MTMR3: variants seen among roughly 807,000 people sequenced by gnomAD.
MTMR3 encodes phosphatidylinositol-3,5-bisphosphate 3-phosphatase MTMR3.
Under a neutral mutation model 132.4 loss-of-function variants are expected in MTMR3, and 32 were observed. The ratio of observed to expected loss-of-function variants is 0.24; its 90% confidence interval spans 0.18 to 0.32. The LOEUF is 0.32. MTMR3 is among the 10% of genes least tolerant of loss of function. The pLI is 1.00. For missense variants in MTMR3, 1,216 were observed against 1,489.6 expected (o/e 0.82, Z 3.02); for synonymous variants, 556 against 550.3 (o/e 1.01, Z -0.14).
At chr22:29,892,413 A>G in intron 1 of MTMR3, among the ~76,000 whole-genome samples, 1 of 152,288 alleles carries the variant, frequency 6.6e-6, no homozygotes, top group East Asian at 1.9e-4. Context: ...TTTAAGAGTT[A>G]GGTCCTAGAG....
At chr22:29,897,833 GTTAT>G (rs2064932962) in intron 1 of MTMR3, among the ~76,000 whole-genome samples, 2 of 152,062 alleles carry the variant, frequency 1.3e-5, no homozygotes, top group African/African-American at 4.8e-5. Context: ...GTATGCAGAA[GTTAT>G]TTATCTTTTT....
At chr22:29,934,220 G>A (rs1245505756) in intron 1 of MTMR3, among the ~76,000 whole-genome samples, 1 of 152,116 alleles carries the variant, frequency 6.6e-6, no homozygotes, top group Non-Finnish European at 1.5e-5. Context: ...CGGGCATTGT[G>A]GCGGGCACCT....
At chr22:29,898,111 G>T (rs1370963199) in intron 1 of MTMR3, among the ~76,000 whole-genome samples, 1 of 152,068 alleles carries the variant, frequency 6.6e-6, no homozygotes, top group Non-Finnish European at 1.5e-5. Flanking sequence ...GAGTAGCTGG[G>T]ATTACAAGTG....
intron 1 of MTMR3, among the ~76,000 whole-genome samples, chr22:29,914,214 C>T (rs534623748): frequency 2.6e-5 from 4 of 152,122 alleles, no homozygotes; most frequent in Non-Finnish European, 5.9e-5. Flanking sequence ...ATTTTGCATT[C>T]CCACTGGCAA....
chr22:30,009,147 G>T lies in MTMR3; in HGVS notation c.1121+18G>T. ...CCGGGAAAGTAAGTCCTTGGCCTTG[G>T]CTTTCATTTTGCATTGCTCTTAAAT... On this transcript the variant is annotated intron_variant, in intron 12 of 19. Coordinates refer to ENST00000401950, the MANE Select transcript of MTMR3 (RefSeq NM_021090.4). 6.5e-7 allele frequency: 1 copy of T among 1,540,512 alleles called. No homozygotes were observed. Among genetic ancestry groups the T allele is most frequent in the Non-Finnish European group, 9.0e-7 (1 of 1,113,532 alleles).
Position 29,978,467 on chromosome 22 carries a change from A to C in MTMR3, c.29A>C (p.Glu10Ala). The change falls in exon 4 of 20, where the codon GAG (glutamate) becomes GCG (alanine). Residue 10 changes from glutamate (E) to alanine (A), a missense_variant. Glu to Ala is a moderately radical substitution (Grantham distance 107, BLOSUM62 -1). Coordinates refer to ENST00000401950, the MANE Select transcript of MTMR3 (RefSeq NM_021090.4). MDEETRHSL[E>A]CIQANQIFPR... ...GATGAAGAGACTCGGCACAGCCTTG[A>C]GTGCATCCAGGCCAATCAGATCTTT... 6.2e-7 allele frequency: 1 copy of C among 1,613,720 alleles called. No homozygotes were observed. Among genetic ancestry groups the C allele is most frequent in the East Asian group, 2.2e-5 (1 of 44,854 alleles).
At chr22:30,001,291 T>G (rs2067167363) in intron 8 of MTMR3, 1 of 152,358 alleles carries the variant, frequency 6.6e-6, no homozygotes, top group African/African-American at 2.4e-5. Flanking sequence ...CTCAGGAGAC[T>G]GAGGCAGGAG....
At chr22:29,974,709 G>A (rs190863217) in intron 3 of MTMR3, among the ~76,000 whole-genome samples, 20 of 152,308 alleles carry the variant, frequency 1.3e-4, no homozygotes, top group East Asian at 3.9e-4. Context: ...TGTGCTAAAA[G>A]TCAGCAGAAA....
At chr22:30,003,869 T>C (rs1253968164) in intron 9 of MTMR3, 1 of 152,254 alleles carries the variant, frequency 6.6e-6, no homozygotes, top group African/African-American at 2.4e-5. Context: ...CTCTTTGTAA[T>C]GTTTACATTC....
chr22:29,978,262 A>G (rs982645181), intron 3 of MTMR3, 180 bp from the exon 4 acceptor site: 25 of 450,710 alleles, frequency 5.5e-5, no homozygotes, highest in Non-Finnish European at 9.2e-5. Flanking sequence ...TTCAGACTAG[A>G]TGTAACTAAT....
rs750358288 is a variant in MTMR3, at chr22:30,019,475, T to C, written c.1821-5T>C. 20 of 1,591,412 alleles carry C rather than the reference T, an allele frequency of 1.3e-5. 1 individual carries two copies. The South Asian group carries it at 2.2e-4, about 18-fold the overall frequency. ...TTTCATTTCCCCCAAATTCCTTTCC[T>C]TTAGGCTACCAAAGACTAGATCATA... On this transcript the variant is annotated splice_region_variant and splice_polypyrimidine_tract_variant and intron_variant, in intron 16 of 19. Coordinates refer to ENST00000401950, the MANE Select transcript of MTMR3 (RefSeq NM_021090.4).
intron 1 of MTMR3, among the ~76,000 whole-genome samples, chr22:29,914,107 G>A (rs2065265795): frequency 6.6e-6 from 1 of 152,130 alleles, no homozygotes; most frequent in Admixed American, 6.5e-5. Context: ...AGATCTTTGT[G>A]TGGACATATA....
chr22:29,927,013 A>G (rs954768612), intron 1 of MTMR3, among the ~76,000 whole-genome samples: 5 of 152,120 alleles, frequency 3.3e-5, no homozygotes, highest in African/African-American at 1.2e-4. Flanking sequence ...ATTTTTGTAT[A>G]TGGTGTGAGG....
At chr22:29,893,868 CGGA>C (rs2064843397) in intron 1 of MTMR3, among the ~76,000 whole-genome samples, 1 of 151,806 alleles carries the variant, frequency 6.6e-6, no homozygotes, top group Non-Finnish European at 1.5e-5. Context: ...TTTTTTAAGA[CGGA>C]GTCTCACTCT....
chr22:30,030,830 T>G lies in MTMR3; in HGVS notation c.*5029T>G, dbSNP rs2146000717. 6.6e-6 allele frequency: 1 copy of G among 152,406 alleles called. No individual in the cohort carries two copies. Among genetic ancestry groups the G allele is most frequent in the East Asian group, 1.9e-4 (1 of 5,326 alleles). The allele number at this position is 152,406 out of a possible 1,614,324, so 9.4% of individuals were successfully genotyped here. ...GTAAGATCTGGTATGAAGAAAGGTT[T>G]TGTTTGTTTCTTAAAATAAAAAGTC... is the stretch of plus-strand genomic sequence containing the variant. On this transcript the variant is annotated 3_prime_UTR_variant, in exon 20 of 20. Coordinates refer to ENST00000401950, the MANE Select transcript of MTMR3 (RefSeq NM_021090.4).
intron 1 of MTMR3, among the ~76,000 whole-genome samples, chr22:29,912,282 TTATG>T (rs1232541115): frequency 2.0e-5 from 3 of 152,164 alleles, no homozygotes; most frequent in Non-Finnish European, 4.4e-5. Flanking sequence ...TTATTTATGT[TTATG>T]AATGAATGAA....
chr22:30,022,460 T>G (rs1487528165), intron 18 of MTMR3, 149 bp from the exon 19 acceptor site: 7 of 692,526 alleles, frequency 1.0e-5, no homozygotes, highest in Non-Finnish European at 1.8e-5. Flanking sequence ...TTTGGACGCC[T>G]TTCTTGTACT....
intron 5 of MTMR3, chr22:29,980,389 C>T (rs565368682): frequency 1.6e-4 from 25 of 152,138 alleles, no homozygotes; most frequent in Non-Finnish European, 3.1e-4. Flanking sequence ...ACACCAGATT[C>T]ATTAAGGAAA....
intron 2 of MTMR3, among the ~76,000 whole-genome samples, chr22:29,967,974 T>A (rs2066462472): frequency 6.6e-6 from 1 of 152,034 alleles, no homozygotes; most frequent in Non-Finnish European, 1.5e-5. Context: ...CCATTCACAT[T>A]TTGTTTGTCC....
Sources: allele counts gnomAD v4.1 joint callset (sites outside exome capture counted in the v4.1 genomes callset), GRCh38; gene constraint gnomAD v4.1.1; transcripts MANE v1.5; gene names NCBI Gene and HGNC (gene_info 2026-07-23, HGNC 2026-07-21).